Variants in PRDM6 observed in about 807,000 individuals in gnomAD.
The protein encoded by PRDM6 is PR/SET domain 6, also known as putative histone-lysine N-methyltransferase PRDM6.
PRDM6 carries 25 observed loss-of-function variants against 60.8 expected under a neutral mutation model. The ratio of observed to expected loss-of-function variants is 0.41; its 90% CI spans 0.30 to 0.57. The LOEUF (loss-of-function observed/expected upper bound fraction) is 0.57. PRDM6 is among the 20% of genes least tolerant of loss of function. The pLI, the probability that PRDM6 is intolerant of heterozygous loss-of-function variation, is 0.27. For missense variants in PRDM6, 839 were observed against 821.3 expected, an observed-to-expected ratio of 1.02 and a Z score of -0.26; for synonymous variants, 407 against 357.4, an observed-to-expected ratio of 1.14 and a Z score of -1.57.
chr5:123,116,349 G>A (rs1173663630), intron 3 of PRDM6, among the ~76,000 whole-genome samples: 5 of 152,184 alleles, frequency 3.3e-5, no homozygotes, highest in Non-Finnish European at 7.3e-5. Flanking sequence ...TGAATTATAA[G>A]TCACCTCCAT....
At chr5:123,094,545 A>G (rs776950125) in intron 2 of PRDM6, among the ~76,000 whole-genome samples, 9 of 152,068 alleles carry the variant, frequency 5.9e-5, no homozygotes, top group Non-Finnish European at 8.8e-5. Flanking sequence ...GAAACCGAAC[A>G]TACAGCCATA....
At chr5:123,156,754 A>C (rs181231629) in intron 4 of PRDM6, among the ~76,000 whole-genome samples, 2 of 152,276 alleles carry the variant, frequency 1.3e-5, no homozygotes, top group African/African-American at 4.8e-5. Context: ...TTCCCCGGAC[A>C]CTCAGCCAGT....
At chr5:123,177,345 C>A (rs1766038608) in intron 6 of PRDM6, among the ~76,000 whole-genome samples, 1 of 152,124 alleles carries the variant, frequency 6.6e-6, no homozygotes, top group African/African-American at 2.4e-5. Context: ...AATTTCTAGG[C>A]TGAAAGAGAC....
intron 6 of PRDM6, among the ~76,000 whole-genome samples, chr5:123,179,838 C>T (rs1020068283): frequency 3.3e-5 from 5 of 152,120 alleles, no homozygotes; most frequent in Non-Finnish European, 7.4e-5. Flanking sequence ...TCTATACTTT[C>T]CCTACTTACA....
At chr5:123,184,958 A>G (rs1766250809) in intron 7 of PRDM6, among the ~76,000 whole-genome samples, 1 of 152,158 alleles carries the variant, frequency 6.6e-6, no homozygotes, top group Non-Finnish European at 1.5e-5. Context: ...TGGTGTGCAG[A>G]TGGCTCTAGA....
chr5:123,111,977 A>G (rs1413882373), intron 3 of PRDM6, among the ~76,000 whole-genome samples: 1 of 152,160 alleles, frequency 6.6e-6, no homozygotes, highest in Non-Finnish European at 1.5e-5. Context: ...CCAGATATAG[A>G]TAGATGATAG....
Position 123,099,533 on chromosome 5 carries a change from C to T in PRDM6, c.593-121C>T. 1 of 895,998 alleles carries T rather than the reference C, an allele frequency of 1.1e-6. No homozygotes were observed. Among genetic ancestry groups the T allele is most frequent in the Non-Finnish European group, 1.6e-6 (1 of 623,286 alleles). 55.5% of individuals were successfully genotyped at this position (895,998 alleles called of 1,614,324 possible). A position where few individuals can be genotyped will look rare whatever the true frequency, so the allele number is the denominator to read the frequency against. On this transcript the variant is annotated intron_variant, in intron 2 of 7. Coordinates refer to ENST00000407847, the MANE Select transcript of PRDM6 (RefSeq NM_001136239.4). This position sits in a 1 kb window ranked among gnomAD's most constrained non-coding sequence, Gnocchi z 4.0. ...GGTGCCCCCAAGGCATCACCTTCCT[C>T]GAAGGTGGCTTACCCAGGCGGGCGG...
At position 123,187,252 on chromosome 5, in the gene PRDM6, A is replaced by C; in HGVS notation, c.*51A>C. On this transcript the variant is annotated 3_prime_UTR_variant, in exon 8 of 8. Coordinates refer to ENST00000407847, the MANE Select transcript of PRDM6 (RefSeq NM_001136239.4). ...GCAAGGAAAGTCATGATTAAATGTC[A>C]CGGACACTTAAGCAAAACCAAAGAT... is the stretch of plus-strand genomic sequence containing the variant. 94 of 1,391,888 alleles carry C rather than the reference A, an allele frequency of 6.8e-5. No individual in the cohort carries two copies. Among genetic ancestry groups the C allele is most frequent in the Non-Finnish European group, 8.5e-5 (85 of 1,003,550 alleles). The allele number at this position is 1,391,888 out of a possible 1,614,324, so 86.2% of individuals were successfully genotyped here. A position where few individuals can be genotyped will look rare whatever the true frequency, so the allele number is the denominator to read the frequency against.
chr5:123,112,176 C>T (rs1764329471), intron 3 of PRDM6, among the ~76,000 whole-genome samples: 1 of 151,312 alleles, frequency 6.6e-6, no homozygotes, highest in Admixed American at 6.6e-5. Context: ...AAGTGGCCCA[C>T]TGGAAGGTGT....
chr5:123,168,700 G>A (rs1004356550), intron 5 of PRDM6, among the ~76,000 whole-genome samples: 2 of 152,220 alleles, frequency 1.3e-5, no homozygotes, highest in Non-Finnish European at 2.9e-5. Flanking sequence ...CTAGACAAAC[G>A]CTAGGCTCTT....
At chr5:123,138,279 T>C (rs933010499) in intron 3 of PRDM6, among the ~76,000 whole-genome samples, 1 of 152,206 alleles carries the variant, frequency 6.6e-6, no homozygotes, top group Non-Finnish European at 1.5e-5. Context: ...AAGGAAGCAG[T>C]AGTTGTTGGC....
intron 2 of PRDM6, among the ~76,000 whole-genome samples, chr5:123,091,864 ACTT>A (rs1177889741): frequency 1.3e-5 from 2 of 152,204 alleles, no homozygotes; most frequent in Non-Finnish European, 2.9e-5. Flanking sequence ...CGCTCTGTGA[ACTT>A]CTTAATTCGT....
intron 5 of PRDM6, among the ~76,000 whole-genome samples, chr5:123,164,100 A>G (rs142279859): frequency 0.01 from 1,585 of 152,236 alleles, 18 homozygotes; most frequent in African/African-American, 0.029. Flanking sequence ...CCCCAGGGGA[A>G]GCGTTGTGAT....
intron 5 of PRDM6, among the ~76,000 whole-genome samples, chr5:123,167,466 C>T (rs944450488): frequency 2.6e-5 from 4 of 152,070 alleles, no homozygotes; most frequent in Admixed American, 1.3e-4. Context: ...CTCGGCTCAC[C>T]GCAACCTCTG....
intron 2 of PRDM6, among the ~76,000 whole-genome samples, chr5:123,095,122 GC>G (rs1202767651): frequency 6.6e-6 from 1 of 152,230 alleles, no homozygotes; most frequent in African/African-American, 2.4e-5. Flanking sequence ...AGGCAAACCT[GC>G]CTCGCCTCTG....
chr5:123,136,545 TAC>T (rs1354052402), intron 3 of PRDM6, among the ~76,000 whole-genome samples: 8 of 152,216 alleles, frequency 5.3e-5, no homozygotes, highest in Admixed American at 5.2e-4. Context: ...TCTAAGAGAT[TAC>T]ACATATATTT....
At chr5:123,144,323 C>T (rs1021252295) in intron 3 of PRDM6, among the ~76,000 whole-genome samples, 1 of 152,248 alleles carries the variant, frequency 6.6e-6, no homozygotes, top group Admixed American at 6.5e-5. Flanking sequence ...TCAGCCCTTA[C>T]TACACATTTT....
rs552197342 is a variant in PRDM6 at position 123,187,879 on chromosome 5, T to A, written c.*678T>A. 6.6e-6 allele frequency: 1 copy of A among 152,314 alleles called. No individual in the cohort carries two copies. Among genetic ancestry groups the A allele is most frequent in the South Asian group, 2.1e-4 (1 of 4,826 alleles). 9.4% of individuals were successfully genotyped at this position (152,314 alleles called of 1,614,324 possible). On this transcript the variant is annotated 3_prime_UTR_variant, in exon 8 of 8. Transcript: ENST00000407847. ...CAGTTTCAAAATTCAAAGGAAAAAG[T>A]TGAGGACTTATTTTGTCCTGTCAAG...
Position 123,090,569 on chromosome 5 carries a change from C to G in PRDM6, c.555C>G (p.Ile185Met). ...YYLYGQQRME[I>M]IPLNQHTSDP... The stretch of plus-strand genomic sequence containing the variant: ...TGTATGGCCAGCAGCGCATGGAGAT[C>G]ATCCCGCTCAACCAGCACACCAGCG... Residue 185 changes from isoleucine to methionine, a missense_variant, in exon 2 of 8, where the codon ATC (isoleucine) becomes ATG (methionine). Coordinates refer to ENST00000407847, the MANE Select transcript of PRDM6 (RefSeq NM_001136239.4). 1 of 1,525,902 alleles carries G rather than the reference C, an allele frequency of 6.6e-7. No individual in the cohort carries two copies. 94.5% of individuals were successfully genotyped at this position (1,525,902 alleles called of 1,614,324 possible).
Sources: allele counts gnomAD v4.1 joint callset (sites outside exome capture counted in the v4.1 genomes callset), GRCh38; gene constraint gnomAD v4.1.1; non-coding constraint Gnocchi (gnomAD v3.1); transcripts MANE v1.5; gene names NCBI Gene and HGNC (gene_info 2026-07-23, HGNC 2026-07-21).